MLH3: variants seen among roughly 807,000 people sequenced by gnomAD.
MLH3 encodes DNA mismatch repair protein Mlh3.
Under a neutral mutation model 122.2 loss-of-function variants are expected in MLH3, and 82 were observed. The observed-to-expected ratio is 0.67, with a 90% CI of 0.56 to 0.81. MLH3 has a LOEUF of 0.81. Ranked by LOEUF, MLH3 falls within the 30% of genes least tolerant of loss-of-function variation. The probability of loss-of-function intolerance (pLI) is 0.00; values close to 1 mark genes in which losing one functional copy is unlikely to be tolerated. For missense variants in MLH3, 1,539 were observed against 1,714.5 expected (o/e 0.90, Z 1.81); for synonymous variants, 524 against 599.5 (o/e 0.87, Z 1.84).
Position 75,039,883 on chromosome 14 carries a change from T to TATATATATATATA in MLH3, c.3570+27_3570+28insTATATATATATAT, listed in dbSNP as rs34231080. ...TATATATATATATATATATATATAT[T>TATATATATATATA]TATGAGATTTTGAAGTTAATCTTTT... On this transcript the variant is annotated intron_variant, in intron 5 of 12. Coordinates refer to ENST00000355774, the MANE Select transcript of MLH3 (RefSeq NM_001040108.2). 8.8e-5 allele frequency: 46 copies of TATATATATATATA among 524,474 alleles called. No homozygotes were observed. The highest frequency in any genetic ancestry group is 3.0e-4 in the Middle Eastern group (1 of 3,388). The allele number at this position is 524,474 out of a possible 1,614,324, so 32.5% of individuals were successfully genotyped here.
intron 9 of MLH3, among the ~76,000 whole-genome samples, chr14:75,025,583 A>G (rs1890576702): frequency 6.6e-6 from 1 of 151,468 alleles, no homozygotes; most frequent in Admixed American, 6.6e-5. Flanking sequence ...CACAGGCTCC[A>G]CTCTTTTGTC....
At chr14:75,049,788 G>A in intron 1 of MLH3, 70 bp from the exon 2 acceptor site, 1 of 919,428 alleles carries the variant, frequency 1.1e-6, no homozygotes, top group South Asian at 1.4e-5. Flanking sequence ...TGAAGAAATA[G>A]CACTTGAGGT....
chr14:75,041,019 AC>A (rs1197358815), intron 4 of MLH3, among the ~76,000 whole-genome samples: 1 of 152,156 alleles, frequency 6.6e-6, no homozygotes, highest in Admixed American at 6.5e-5. Flanking sequence ...GCATGCCCAT[AC>A]CCAGCTTAAA....
At chr14:75,025,374 G>A (rs1387187162) in intron 9 of MLH3, among the ~76,000 whole-genome samples, 6 of 152,132 alleles carry the variant, frequency 3.9e-5, no homozygotes, top group Non-Finnish European at 7.4e-5. Context: ...CAAGTCCAGC[G>A]TTTCAGGCTC....
intron 6 of MLH3, 116 bp from the exon 7 acceptor site, chr14:75,033,606 T>A: frequency 1.3e-6 from 1 of 754,536 alleles, no homozygotes; most frequent in Non-Finnish European, 2.4e-6. Context: ...AGACAAAACA[T>A]TCTGAGGAGT....
chr14:75,047,012 C>T lies in MLH3; in HGVS notation c.2644G>A (p.Gly882Ser). Reference protein sequence around the residue: ...SLASKLSRLKGSERETQTMGM... With the variant: ...SLASKLSRLKSSERETQTMGM... ...ATTGTTTGAGTTTCTCTTTCGGAAC[C>T]CTTCAGTCTGGATAATTTAGAGGCT... The change falls in exon 2 of 13, where the codon GGT becomes AGT. Residue 882 changes from glycine (G) to serine (S), a missense_variant. Transcript: ENST00000355774. The T allele has an allele frequency of 6.2e-7, 1 of 1,614,118 alleles. No homozygotes were observed. The highest frequency in any genetic ancestry group is 8.5e-7 in the Non-Finnish European group (1 of 1,180,028).
chr14:75,047,739 T>C lies in MLH3; in HGVS notation c.1917A>G (p.Gln639=), dbSNP rs771628830. The part of the protein sequence containing the change: ...NYVRPGPTRA[Q]ETFGNRTRHS... ...GACGTGTTCTATTTCCAAATGTTTC[T>C]TGGGCACGTGTGGGACCAGGTCTAA... The change falls in exon 2 of 13, where the codon CAA becomes CAG. Residue 639 remains glutamine (Q), a synonymous_variant. Coordinates refer to ENST00000355774, the MANE Select transcript of MLH3 (RefSeq NM_001040108.2). 6 of 1,614,056 alleles carry C rather than the reference T, an allele frequency of 3.7e-6. No homozygotes were observed. The highest frequency in any genetic ancestry group is 1.1e-5 in the South Asian group (1 of 91,082).
intron 8 of MLH3, among the ~76,000 whole-genome samples, chr14:75,031,068 T>C (rs1054754805): frequency 3.3e-5 from 5 of 152,072 alleles, no homozygotes; most frequent in Non-Finnish European, 7.4e-5. Flanking sequence ...GGGAGGTAAT[T>C]AACAGCCCAA....
In MLH3 at chr14:75,047,821, A is replaced by G. The variant is rs767938226; in HGVS notation, c.1835T>C (p.Val612Ala). ...TGATTTAGTTTTTTCATTTTGTACTACATGAGTTATAAAGCCAGTGGAACA... is the reference window on the plus strand; with the variant it reads ...TGATTTAGTTTTTTCATTTTGTACTGCATGAGTTATAAAGCCAGTGGAACA... ...KLCSTGFITHVVQNEKTKSTE... is the reference protein window; with the variant it reads ...KLCSTGFITHAVQNEKTKSTE... Residue 612 changes from valine to alanine, a missense_variant, in exon 2 of 13, where the codon GTA (valine) becomes GCA (alanine). Coordinates refer to ENST00000355774, the MANE Select transcript of MLH3 (RefSeq NM_001040108.2). 5 of 1,613,940 alleles carry G rather than the reference A, an allele frequency of 3.1e-6. No homozygotes were observed. The Admixed American group carries it at 8.3e-5, about 27-fold the overall frequency.
rs756745710 is a variant in MLH3 at position 75,030,666 on chromosome 14, T to A, written c.3864A>T (p.Glu1288Asp). ...AATCACTAGTGTCTGGAAATACAAA[T>A]TCAAGGCCCAGATCTTCCAGATTTT... ...YHKNLEDLGL[E>D]FVFPDTSDSL... Residue 1288 changes from glutamate to aspartate, a missense_variant, in exon 9 of 13, where the codon GAA becomes GAT. Transcript: ENST00000355774. 6.2e-7 allele frequency: 1 copy of A among 1,613,992 alleles called. No individual in the cohort carries two copies. The highest frequency in any genetic ancestry group is 1.1e-5 in the South Asian group (1 of 91,086).
Position 75,041,623 on chromosome 14 carries a change from A to T in MLH3, c.3457T>A (p.Tyr1153Asn). The T allele has an allele frequency of 6.2e-7, 1 of 1,613,336 alleles. No homozygotes were observed. Among genetic ancestry groups the T allele is most frequent in the Non-Finnish European group, 8.5e-7 (1 of 1,179,276 alleles). ...SEWDNPVFARYPEVAVDVSSG... is the reference protein window; with the variant it reads ...SEWDNPVFARNPEVAVDVSSG... ...AACTGCTACAGACCCACCTCTGGAT[A>T]ACGGGCAAATACTGGATTGTCCCAT... The change falls in exon 4 of 13, where the codon TAT becomes AAT. Residue 1153 changes from tyrosine (Y) to asparagine (N), a missense_variant. Tyr to Asn is a moderately radical substitution (Grantham distance 143). Coordinates refer to ENST00000355774, the MANE Select transcript of MLH3 (RefSeq NM_001040108.2).
chr14:75,046,926 C>T lies in MLH3; in HGVS notation c.2730G>A (p.Lys910=), dbSNP rs553522059. 2.5e-6 allele frequency: 4 copies of T among 1,614,056 alleles called. No homozygotes were observed. In the South Asian group the frequency reaches 4.4e-5, roughly 18 times the overall value. The part of the protein sequence containing the change: ...PNSDSSRKDS[K]LCSVLTQDFC... ...AATCTTGTGTTAACACACTGCACAA[C>T]TTGCTGTCTTTCCTACTGGAATCTG... Residue 910 remains lysine (K), a synonymous_variant, in exon 2 of 13, where the codon AAG becomes AAA. Transcript: ENST00000355774.
intron 12 of MLH3, among the ~76,000 whole-genome samples, chr14:75,018,289 C>A (rs1890033779): frequency 6.6e-6 from 1 of 152,204 alleles, no homozygotes; most frequent in African/African-American, 2.4e-5. Flanking sequence ...GCATTATCCA[C>A]ATTGTAGTTT....
chr14:75,032,412 A>G lies in MLH3; in HGVS notation c.3716-233T>C, dbSNP rs1410123690. ...TATAAGACTTGCATCTTACATTCAG[A>G]TGAACAAGCCAATGTTCCTGTAGTT... is the stretch of plus-strand genomic sequence containing the variant. On this transcript the variant is annotated intron_variant, in intron 7 of 12. Coordinates refer to ENST00000355774, the MANE Select transcript of MLH3 (RefSeq NM_001040108.2). 2.0e-5 allele frequency among the ~76,000 whole-genome samples: 3 copies of G among 152,248 alleles called. No individual in the cohort carries two copies. In the East Asian group the frequency reaches 5.8e-4, roughly 29 times the overall value.
rs1354529660 is a variant in MLH3, at chr14:75,047,708, C to A, written c.1948G>T (p.Val650Phe). 3 of 1,613,998 alleles carry A rather than the reference C, an allele frequency of 1.9e-6. No individual in the cohort carries two copies. The highest frequency in any genetic ancestry group is 2.7e-5 in the African/African-American group (2 of 74,922). ...ETFGNRTRHS[V>F]ETPDIKDLAS... Reference sequence around the variant, plus strand: ...AAATCTTTGATGTCTGGAGTTTCAACTGAATGACGTGTTCTATTTCCAAAT... The same window carrying A: ...AAATCTTTGATGTCTGGAGTTTCAAATGAATGACGTGTTCTATTTCCAAAT... The change falls in exon 2 of 13, where the codon GTT becomes TTT. Residue 650 changes from valine (V) to phenylalanine (F), a missense_variant. Transcript: ENST00000355774.
rs1212705680 is a variant in MLH3, at chr14:75,014,818, G to T, written c.*2264C>A. 3 of 184,252 alleles carry T rather than the reference G, an allele frequency of 1.6e-5. No individual in the cohort carries two copies. Among genetic ancestry groups the T allele is most frequent in the South Asian group, 2.0e-4 (1 of 5,072 alleles). 11.4% of individuals were successfully genotyped at this position (184,252 alleles called of 1,614,324 possible). On this transcript the variant is annotated 3_prime_UTR_variant, in exon 13 of 13. Transcript: ENST00000355774. ...TTCCTAATAAATTAAAAATATAAGG[G>T]ATAGCATATGGGTAATAATGGGAAG...
Position 75,039,984 on chromosome 14 carries a change from T to G in MLH3, c.3497A>C (p.Glu1166Ala), listed in dbSNP as rs758748755. The change falls in exon 5 of 13, where the codon GAG becomes GCG. Residue 1166 changes from glutamate to alanine, a missense_variant. Coordinates refer to ENST00000355774, the MANE Select transcript of MLH3 (RefSeq NM_001040108.2). ...VAVDVSSGQA[E>A]SLAVKIHNIL... ...GTTGTGAATTTTAACTGCTAAGCTC[T>G]CAGCCTGGCCACTGCTTACATCAAC... 2 of 1,600,102 alleles carry G rather than the reference T, an allele frequency of 1.2e-6. No homozygotes were observed. Among genetic ancestry groups the G allele is most frequent in the Non-Finnish European group, 1.7e-6 (2 of 1,169,612 alleles).
At chr14:75,023,211 G>A (rs1890406205) in intron 9 of MLH3, among the ~76,000 whole-genome samples, 193 bp from the exon 10 acceptor site, 1 of 152,154 alleles carries the variant, frequency 6.6e-6, no homozygotes, top group South Asian at 2.1e-4. Context: ...CAACTGAATA[G>A]AACTCTTATT....
chr14:75,028,601 A>G (rs1175208971), intron 9 of MLH3, among the ~76,000 whole-genome samples: 2 of 151,578 alleles, frequency 1.3e-5, no homozygotes, highest in East Asian at 2.0e-4. Context: ...AATTTTTAGT[A>G]GAGACGGGGT....
Sources: allele counts gnomAD v4.1 joint callset (sites outside exome capture counted in the v4.1 genomes callset), GRCh38; gene constraint gnomAD v4.1.1; transcripts MANE v1.5; gene names NCBI Gene and HGNC (gene_info 2026-07-23, HGNC 2026-07-21).